ARHGAP6: variants seen among roughly 807,000 people sequenced by gnomAD.
ARHGAP6 encodes Rho GTPase activating protein 6.
ARHGAP6 carries 16 observed loss-of-function variants against 55.7 expected under a neutral mutation model. That is an observed-to-expected ratio of 0.29 (90% CI 0.19 to 0.44). The LOEUF (loss-of-function observed/expected upper bound fraction) is 0.44, where lower values mean the gene tolerates loss of function less well. ARHGAP6 is among the 20% of genes least tolerant of loss of function. The pLI, the probability that ARHGAP6 is intolerant of heterozygous loss-of-function variation, is 1.00. For synonymous variants in ARHGAP6, 382 were observed against 360.9 expected (o/e 1.06, Z -0.66); for missense variants, 698 against 808.9 (o/e 0.86, Z 1.66).
At chrX:11,366,848 C>A (rs1257021163) in intron 1 of ARHGAP6, among the ~76,000 whole-genome samples, 3 of 111,580 alleles carry the variant, frequency 2.7e-5, no homozygotes, top group Non-Finnish European at 5.7e-5. Context: ...CATGGAAGAA[C>A]ATAAAACAAA....
chrX:11,355,842 G>A (rs773037746), intron 1 of ARHGAP6, among the ~76,000 whole-genome samples: 33 of 111,231 alleles, frequency 3.0e-4, no homozygotes, highest in Non-Finnish European at 2.6e-4. Context: ...AGCAGTTTAC[G>A]GCTGGCTTTG....
intron 1 of ARHGAP6, among the ~76,000 whole-genome samples, chrX:11,323,603 G>A (rs1280839801): frequency 1.8e-5 from 2 of 111,891 alleles, no homozygotes; most frequent in Non-Finnish European, 3.8e-5. Context: ...GGTGGCTCAC[G>A]CCTGTAATCC....
In ARHGAP6 at chrX:11,190,036, T is replaced by C. The variant is rs2046434038; in HGVS notation, c.821-1052A>G. ...GATCAAGGGAAAATAATTCTAAGGTTGGTTGTTCTTTGAAAGAAAAAGCTA... is the reference window on the plus strand; with the variant it reads ...GATCAAGGGAAAATAATTCTAAGGTCGGTTGTTCTTTGAAAGAAAAAGCTA... On this transcript the variant is annotated intron_variant, in intron 3 of 12. Transcript: ENST00000337414. Among the ~76,000 whole-genome samples the C allele has an allele frequency of 4.5e-5, 5 of 112,163 alleles. No individual in the cohort carries two copies. In the South Asian group the frequency reaches 1.8e-3, roughly 41 times the overall value.
At chrX:11,637,883 T>G (rs2052435487) in intron 1 of ARHGAP6, among the ~76,000 whole-genome samples, 1 of 111,484 alleles carries the variant, frequency 9.0e-6, no homozygotes, top group African/African-American at 3.2e-5. Context: ...TAAATCGTGA[T>G]GAATTTCTCC....
At chrX:11,360,678 A>C (rs2048998337) in intron 1 of ARHGAP6, among the ~76,000 whole-genome samples, 1 of 108,973 alleles carries the variant, frequency 9.2e-6, no homozygotes, top group South Asian at 4.0e-4. Flanking sequence ...AGGAGAAGGA[A>C]ATAAAGGGTA....
chrX:11,240,459 A>G (rs1427974161), intron 2 of ARHGAP6, among the ~76,000 whole-genome samples: 1 of 112,203 alleles, frequency 8.9e-6, no homozygotes, highest in Non-Finnish European at 1.9e-5. Context: ...TTAGGAAGGG[A>G]GCCAAAACAG....
chrX:11,501,675 G>T (rs924335516), intron 1 of ARHGAP6, among the ~76,000 whole-genome samples: 1 of 111,676 alleles, frequency 9.0e-6, no homozygotes, highest in African/African-American at 3.3e-5. Context: ...CACTTAGTTT[G>T]TATGTCATGT....
intron 1 of ARHGAP6, among the ~76,000 whole-genome samples, chrX:11,458,234 T>C (rs1250230323): frequency 8.9e-6 from 1 of 112,418 alleles, no homozygotes; most frequent in Non-Finnish European, 1.9e-5. Context: ...CCTCCTGCCA[T>C]AGATTCAATA....
At chrX:11,390,720 T>C (rs2049393028) in intron 1 of ARHGAP6, among the ~76,000 whole-genome samples, 1 of 112,146 alleles carries the variant, frequency 8.9e-6, no homozygotes. Context: ...AAAATGCTCA[T>C]CATCACTGGC....
chrX:11,646,268 C>T (rs143505860), intron 1 of ARHGAP6, among the ~76,000 whole-genome samples: 3,346 of 111,239 alleles, frequency 0.03, 50 homozygotes, highest in African/African-American at 0.05. Flanking sequence ...GTCTCTCCCT[C>T]CCTCGACACA....
chrX:11,277,383 G>A (rs776311237), intron 1 of ARHGAP6, among the ~76,000 whole-genome samples: 1 of 106,576 alleles, frequency 9.4e-6, no homozygotes, highest in East Asian at 2.8e-4. Flanking sequence ...ATGATTTTGG[G>A]TATATAACTA....
intron 1 of ARHGAP6, among the ~76,000 whole-genome samples, chrX:11,277,680 T>C (rs2047793666): frequency 9.6e-6 from 1 of 104,495 alleles, no homozygotes; most frequent in South Asian, 4.3e-4. Context: ...TCTTGAAAAA[T>C]TTAGAGGTTT....
At chrX:11,568,527 T>C (rs2051472850) in intron 1 of ARHGAP6, among the ~76,000 whole-genome samples, 1 of 111,604 alleles carries the variant, frequency 9.0e-6, no homozygotes, top group South Asian at 3.8e-4. Flanking sequence ...ATCCCAGCGG[T>C]GGGCAGATCA....
In ARHGAP6 at chrX:11,138,701, G is replaced by T; in HGVS notation, c.*162C>A. 1 of 545,592 alleles carries T rather than the reference G, an allele frequency of 1.8e-6. No individual in the cohort carries two copies. The highest frequency in any genetic ancestry group is 2.9e-6 in the Non-Finnish European group (1 of 346,781). 45.0% of individuals were successfully genotyped at this position (545,592 alleles called of 1,213,427 possible). On this transcript the variant is annotated 3_prime_UTR_variant, in exon 13 of 13. Coordinates refer to ENST00000337414, the MANE Select transcript of ARHGAP6 (RefSeq NM_013427.3). ...ATGGAACCTTATTCTCAATGGCGGG[G>T]GCGTGAGTGCTCTACCTCTGTAGGT...
At chrX:11,439,014 A>G (rs1042653935) in intron 1 of ARHGAP6, among the ~76,000 whole-genome samples, 1 of 112,453 alleles carries the variant, frequency 8.9e-6, no homozygotes, top group African/African-American at 3.2e-5. Context: ...TCAGCATTTC[A>G]GTTCATGGTG....
intron 1 of ARHGAP6, among the ~76,000 whole-genome samples, chrX:11,276,219 CG>C (rs2047763391): frequency 9.0e-6 from 1 of 111,385 alleles, no homozygotes; most frequent in African/African-American, 3.3e-5. Flanking sequence ...CATCTCCCCC[CG>C]ACCCTGCCCC....
intron 1 of ARHGAP6, among the ~76,000 whole-genome samples, chrX:11,621,071 G>C (rs190420134): frequency 1.0e-3 from 112 of 111,545 alleles, no homozygotes; most frequent in African/African-American, 3.4e-3. Context: ...ATGTGGTTTT[G>C]TCCTGGGGAC....
chrX:11,382,505 T>C (rs1184868949), intron 1 of ARHGAP6, among the ~76,000 whole-genome samples: 1 of 111,989 alleles, frequency 8.9e-6, no homozygotes, highest in Non-Finnish European at 1.9e-5. Flanking sequence ...AAGGCAAGAA[T>C]ACACATAGTA....
intron 9 of ARHGAP6, among the ~76,000 whole-genome samples, chrX:11,162,909 G>C: frequency 8.9e-6 from 1 of 111,912 alleles, no homozygotes; most frequent in Non-Finnish European, 1.9e-5. Context: ...TCTGCTTCTG[G>C]GATTTTTGTA....
Sources: allele counts gnomAD v4.1 joint callset (sites outside exome capture counted in the v4.1 genomes callset), GRCh38; gene constraint gnomAD v4.1.1; transcripts MANE v1.5; gene names NCBI Gene and HGNC (gene_info 2026-07-23, HGNC 2026-07-21).